PDE4B: variants seen among roughly 807,000 people sequenced by gnomAD.
PDE4B encodes 3',5'-cyclic-AMP phosphodiesterase 4B.
PDE4B carries 20 observed loss-of-function variants against 82.2 expected under a neutral mutation model. The observed-to-expected ratio is 0.24, with a 90% CI of 0.17 to 0.35. The LOEUF is 0.35. Among genes scored for constraint, PDE4B ranks in the 10% least tolerant of loss-of-function variants. The pLI, the probability that PDE4B is intolerant of heterozygous loss-of-function variation, is 1.00. For synonymous variants in PDE4B, 320 were observed against 318.9 expected (o/e 1.00, Z -0.04); for missense variants, 655 against 907.2 (o/e 0.72, Z 3.57).
intron 3 of PDE4B, among the ~76,000 whole-genome samples, chr1:65,969,715 A>G (rs1343515779): frequency 3.3e-5 from 5 of 152,108 alleles, no homozygotes; most frequent in African/African-American, 1.2e-4. Context: ...TATTAATGAC[A>G]TTTTTACTGT....
chr1:66,177,879 G>A (rs693257), intron 3 of PDE4B, among the ~76,000 whole-genome samples: 114,426 of 151,952 alleles, frequency 0.75, 43,561 homozygotes, highest in East Asian at 0.89. Flanking sequence ...AGGCTTTGGT[G>A]GGCATTGTTT....
chr1:66,187,296 T>C (rs1234040381), intron 3 of PDE4B, among the ~76,000 whole-genome samples: 1 of 151,938 alleles, frequency 6.6e-6, no homozygotes, highest in Non-Finnish European at 1.5e-5. Flanking sequence ...AAAATTCTCT[T>C]TTTTGGTTGT....
intron 1 of PDE4B, among the ~76,000 whole-genome samples, chr1:65,858,566 T>C (rs1056686737): frequency 9.2e-5 from 14 of 152,234 alleles, no homozygotes; most frequent in African/African-American, 3.1e-4. Context: ...TCGATGTTGA[T>C]TAAATATTGT....
chr1:66,226,638 T>G (rs1328416280), intron 3 of PDE4B, among the ~76,000 whole-genome samples: 4 of 152,096 alleles, frequency 2.6e-5, no homozygotes, highest in Non-Finnish European at 4.4e-5. Flanking sequence ...AAAAGAACAG[T>G]CAGTGCAAAA....
chr1:65,981,743 G>A (rs77087799), intron 3 of PDE4B, among the ~76,000 whole-genome samples: 1,534 of 152,196 alleles, frequency 0.01, 21 homozygotes, highest in African/African-American at 0.035. Flanking sequence ...ATAATGTGAT[G>A]ATAATGTATA....
chr1:66,201,443 C>A (rs922417825), intron 3 of PDE4B, among the ~76,000 whole-genome samples: 1 of 152,074 alleles, frequency 6.6e-6, no homozygotes, highest in Non-Finnish European at 1.5e-5. Context: ...CCTTGTACCT[C>A]TGGTAGAATT....
At chr1:65,869,809 TTTA>T (rs1168780897) in intron 1 of PDE4B, among the ~76,000 whole-genome samples, 1 of 151,490 alleles carries the variant, frequency 6.6e-6, no homozygotes, top group African/African-American at 2.4e-5. Context: ...TTTTTTTTTT[TTTA>T]AATGGCACTT....
At chr1:65,838,229 G>A (rs1646163888) in intron 1 of PDE4B, among the ~76,000 whole-genome samples, 1 of 151,910 alleles carries the variant, frequency 6.6e-6, no homozygotes, top group Non-Finnish European at 1.5e-5. Flanking sequence ...TTTTCAAAAT[G>A]GGTAAAATAT....
At chr1:66,034,079 TTC>T (rs1173738991) in intron 3 of PDE4B, among the ~76,000 whole-genome samples, 4 of 152,224 alleles carry the variant, frequency 2.6e-5, no homozygotes, top group Admixed American at 6.5e-5. Flanking sequence ...TTGTAATGAA[TTC>T]TCTGTTTTCC....
chr1:66,310,026 T>TA (rs1658557029), intron 7 of PDE4B, among the ~76,000 whole-genome samples: 1 of 152,144 alleles, frequency 6.6e-6, no homozygotes, highest in Non-Finnish European at 1.5e-5. Context: ...CTTGGTAGCT[T>TA]ACATCCTGTG....
chr1:66,355,444 C>A, intron 8 of PDE4B, 83 bp from the exon 9 acceptor site: 1 of 816,176 alleles, frequency 1.2e-6, no homozygotes, highest in Non-Finnish European at 2.1e-6. Flanking sequence ...CCTCTTGATT[C>A]CTGGACAGTA....
At chr1:65,941,704 A>G (rs1171778299) in intron 3 of PDE4B, among the ~76,000 whole-genome samples, 1 of 152,138 alleles carries the variant, frequency 6.6e-6, no homozygotes, top group East Asian at 1.9e-4. Flanking sequence ...ATTGTGAAAT[A>G]GGTAAATGAC....
intron 1 of PDE4B, among the ~76,000 whole-genome samples, chr1:65,867,004 T>C (rs1352240727): frequency 6.6e-6 from 1 of 152,184 alleles, no homozygotes; most frequent in Admixed American, 6.5e-5. Flanking sequence ...TTCTAACTTT[T>C]AGAGGTGTTT....
Position 65,951,775 on chromosome 1 carries a change from T to C in PDE4B, c.281+32940T>C, listed in dbSNP as rs532367500. 4.6e-5 allele frequency among the ~76,000 whole-genome samples: 7 copies of C among 152,214 alleles called. No homozygotes were observed. In the East Asian group the frequency reaches 1.4e-3, roughly 29 times the overall value. On this transcript the variant is annotated intron_variant, in intron 3 of 16. Transcript: ENST00000341517. Reference sequence around the variant, plus strand: ...CCTGTTTTACCTGTTTTACCCCATATATAGATCCCAATGTTCTTCCTCCTA... The same window carrying C: ...CCTGTTTTACCTGTTTTACCCCATACATAGATCCCAATGTTCTTCCTCCTA...
chr1:65,823,720 T>C (rs575777856), intron 1 of PDE4B, among the ~76,000 whole-genome samples: 2 of 152,326 alleles, frequency 1.3e-5, no homozygotes, highest in East Asian at 3.9e-4. Flanking sequence ...CTGAACGTCT[T>C]ATATGCCTCT....
At chr1:65,872,990 T>G (rs940386382) in intron 1 of PDE4B, among the ~76,000 whole-genome samples, 1 of 152,180 alleles carries the variant, frequency 6.6e-6, no homozygotes, top group African/African-American at 2.4e-5. Flanking sequence ...TATTCATTCA[T>G]TCAAACATAT....
At chr1:66,131,476 C>A (rs907540890) in intron 3 of PDE4B, among the ~76,000 whole-genome samples, 1 of 148,584 alleles carries the variant, frequency 6.7e-6, no homozygotes, top group Admixed American at 6.7e-5. Flanking sequence ...AATGGCTGTA[C>A]ATAAGAGAGA....
At chr1:66,070,720 ACAAT>A (rs1471304845) in intron 3 of PDE4B, among the ~76,000 whole-genome samples, 1 of 152,074 alleles carries the variant, frequency 6.6e-6, no homozygotes, top group Non-Finnish European at 1.5e-5. Context: ...GGAAACATGG[ACAAT>A]CAGAGACATG....
At chr1:66,129,463 C>A (rs111686870) in intron 3 of PDE4B, among the ~76,000 whole-genome samples, 15,152 of 151,098 alleles carry the variant, frequency 0.1, 1,065 homozygotes, top group East Asian at 0.16. Context: ...CGAGACCATC[C>A]CGGCTAAAAC....
Sources: gnomAD v4.1 joint callset for allele counts (sites outside exome capture counted in the v4.1 genomes callset) on GRCh38, gnomAD v4.1.1 for gene constraint, MANE v1.5 for transcripts, NCBI Gene and HGNC (gene_info 2026-07-23, HGNC 2026-07-21) for gene names.